Variants in WNT4 observed in about 807,000 individuals in gnomAD.
WNT4 encodes protein Wnt-4.
Under a neutral mutation model 34.5 loss-of-function variants are expected in WNT4, and 16 were observed. The ratio of observed to expected loss-of-function variants is 0.46; its 90% CI spans 0.31 to 0.70. The LOEUF is 0.70. Ranked by LOEUF, WNT4 falls within the 30% of genes least tolerant of loss-of-function variation. WNT4 has a pLI of 0.04. For missense variants in WNT4, 379 were observed against 495.9 expected, an observed-to-expected ratio of 0.76 and a Z score of 2.24; for synonymous variants, 200 against 211.9, an observed-to-expected ratio of 0.94 and a Z score of 0.49.
intron 1 of WNT4, among the ~76,000 whole-genome samples, chr1:22,133,094 T>C (rs938570471): frequency 6.6e-6 from 1 of 152,224 alleles, no homozygotes; most frequent in East Asian, 1.9e-4. Context: ...CGAGCTGCAG[T>C]GCAAACCCAG....
At chr1:22,129,559 TG>T in intron 2 of WNT4, 56 bp downstream of exon 2, 1 of 1,563,658 alleles carries the variant, frequency 6.4e-7, no homozygotes. Context: ...CATTTCCTGC[TG>T]GGCCCATGCC....
chr1:22,120,193 C>T lies in WNT4; in HGVS notation c.913G>A (p.Gly305Ser), dbSNP rs1429705858. ...CGGCCACAGCACAGCAGCTCACAGC[C>T]GTCGATGGCCTTGGACGTCTTGTTG... The part of the protein sequence containing the change: ...TCNKTSKAID[G>S]CELLCCGRGF... Residue 305 changes from glycine (G) to serine (S), a missense_variant, in exon 5 of 5, where the codon GGC becomes AGC. Physicochemically the swap from Gly to Ser is moderately conservative, Grantham distance 56. Transcript: ENST00000290167. 4 of 1,613,738 alleles carry T rather than the reference C, an allele frequency of 2.5e-6. No individual in the cohort carries two copies. Among genetic ancestry groups the T allele is most frequent in the African/African-American group, 1.3e-5 (1 of 74,954 alleles).
intron 2 of WNT4, among the ~76,000 whole-genome samples, chr1:22,123,328 A>C (rs895918069): frequency 6.6e-6 from 1 of 152,004 alleles, no homozygotes; most frequent in Admixed American, 6.5e-5. Context: ...CCTGGGGTGC[A>C]GGGCCACCAG....
Position 22,121,351 on chromosome 1 carries a change from A to T in WNT4, c.448T>A (p.Phe150Ile). The T allele has an allele frequency of 6.2e-7, 1 of 1,614,146 alleles. No homozygotes were observed. The highest frequency in any genetic ancestry group is 8.5e-7 in the Non-Finnish European group (1 of 1,180,030). ...TTGTCAGAGCATCCTGACCACTGGA[A>T]GCCTGGGGTGTGGTGGGCACAGAAA... ...RTVHGVSPQG[F>I]QWSGCSDNIA... Residue 150 changes from phenylalanine (F) to isoleucine (I), a missense_variant and splice_region_variant, in exon 4 of 5, where the codon TTC becomes ATC. Transcript: ENST00000290167.
chr1:22,121,529 C>T lies in WNT4; in HGVS notation c.361G>A (p.Ala121Thr). The change falls in exon 3 of 5, where the codon GCC becomes ACC. Residue 121 changes from alanine (A) to threonine (T), a missense_variant. Physicochemically the swap from Ala to Thr is moderately conservative, Grantham distance 58 (BLOSUM62 0). Around this residue, in one of 2 missense-constraint regions of WNT4, gnomAD observed 313 missense variants for 445.8 expected, o/e 0.70. Coordinates refer to ENST00000290167, the MANE Select transcript of WNT4 (RefSeq NM_030761.5). The part of the protein sequence containing the change: ...FVYAISSAGV[A>T]FAVTRACSSG... The stretch of plus-strand genomic sequence containing the variant: ...CTGCACGCCCGCGTCACTGCAAAGG[C>T]CACACCTGCCGAAGAGATGGCGTAC... 6.2e-7 allele frequency: 1 copy of T among 1,613,994 alleles called. No individual in the cohort carries two copies. Among genetic ancestry groups the T allele is most frequent in the Non-Finnish European group, 8.5e-7 (1 of 1,180,028 alleles).
chr1:22,128,005 C>T (rs914911290), intron 2 of WNT4, among the ~76,000 whole-genome samples: 1 of 152,346 alleles, frequency 6.6e-6, no homozygotes, highest in Admixed American at 6.5e-5. Context: ...GCTTCCCAGG[C>T]TCATGGGCTG....
In WNT4 at chr1:22,137,352, T is replaced by G. The variant is rs1317981775; in HGVS notation, c.77+5494A>C. Among the ~76,000 whole-genome samples, 1 of 152,174 alleles carries G rather than the reference T, an allele frequency of 6.6e-6. No homozygotes were observed. The highest frequency in any genetic ancestry group is 1.5e-5 in the Non-Finnish European group (1 of 68,020). ...AAACCTGGCAACTCCTGTGGAAATC[T>G]GGAGAGCAACCCTGGGGTCGCAGCT... On this transcript the variant is annotated intron_variant, in intron 1 of 4. Coordinates refer to ENST00000290167, the MANE Select transcript of WNT4 (RefSeq NM_030761.5). This position sits in a 1 kb window ranked among gnomAD's most constrained non-coding sequence, Gnocchi z 5.3.
chr1:22,122,474 A>C (rs1557923976), intron 2 of WNT4, among the ~76,000 whole-genome samples: 1 of 152,020 alleles, frequency 6.6e-6, no homozygotes, highest in Non-Finnish European at 1.5e-5. Context: ...TATCCTCCTA[A>C]GAACTGTGCC....
At chr1:22,122,760 C>T (rs1371061543) in intron 2 of WNT4, among the ~76,000 whole-genome samples, 2 of 152,214 alleles carry the variant, frequency 1.3e-5, no homozygotes, top group Non-Finnish European at 2.9e-5. Context: ...GAGCAGTCAC[C>T]GTGGTCAGAT....
intron 1 of WNT4, among the ~76,000 whole-genome samples, chr1:22,131,816 G>A (rs1180842777): frequency 6.6e-6 from 1 of 152,220 alleles, no homozygotes; most frequent in Non-Finnish European, 1.5e-5. Context: ...TCTCCCAGGG[G>A]CCTCCCCGCC....
chr1:22,143,008 G>GCCCC lies in WNT4; in HGVS notation c.-87_-86insGGGG. 1.5e-6 allele frequency: 1 copy of GCCCC among 674,308 alleles called. No homozygotes were observed. The highest frequency in any genetic ancestry group is 1.8e-6 in the Non-Finnish European group (1 of 549,602). 41.8% of individuals were successfully genotyped at this position (674,308 alleles called of 1,614,324 possible). The stretch of plus-strand genomic sequence containing the variant: ...GGGCTGCAGGTGGGCGCCCGCGGGC[G>GCCCC]GGCCGGGGCGCGCGCGGCGGGGCTC... On this transcript the variant is annotated 5_prime_UTR_variant, in exon 1 of 5. Coordinates refer to ENST00000290167, the MANE Select transcript of WNT4 (RefSeq NM_030761.5).
chr1:22,124,584 T>A (rs1366744995), intron 2 of WNT4, among the ~76,000 whole-genome samples: 2 of 152,242 alleles, frequency 1.3e-5, no homozygotes, highest in Non-Finnish European at 2.9e-5. Flanking sequence ...TCTACAGCTC[T>A]GCTCTGTGGA....
rs200771081 is a variant in WNT4 at position 22,121,202 on chromosome 1, C to A, written c.588+9G>T. On this transcript the variant is annotated intron_variant, in intron 4 of 4. Coordinates refer to ENST00000290167, the MANE Select transcript of WNT4 (RefSeq NM_030761.5). ...ACCCCGCTCTTGGTGGGGGGTAGTG[C>A]CACACTACCTTCCTGCCGGCCTCAT... 6.2e-7 allele frequency: 1 copy of A among 1,613,832 alleles called. No homozygotes were observed. Among genetic ancestry groups the A allele is most frequent in the East Asian group, 2.2e-5 (1 of 44,876 alleles).
At chr1:22,135,324 T>A (rs74059910) in intron 1 of WNT4, among the ~76,000 whole-genome samples, 4,086 of 152,272 alleles carry the variant, frequency 0.027, 183 homozygotes, top group African/African-American at 0.092. Flanking sequence ...GTTTCGCAGA[T>A]GAGGAAACTG....
intron 1 of WNT4, among the ~76,000 whole-genome samples, chr1:22,138,470 TG>T (rs1646039998): frequency 6.6e-6 from 1 of 152,134 alleles, no homozygotes; most frequent in Non-Finnish European, 1.5e-5. Flanking sequence ...GGGATGTTAC[TG>T]GCTATCTAGC....
In WNT4 at chr1:22,139,318, G is replaced by C. The variant is rs1160778384; in HGVS notation, c.77+3528C>G. 1.3e-5 allele frequency among the ~76,000 whole-genome samples: 2 copies of C among 152,190 alleles called. No individual in the cohort carries two copies. The highest frequency in any genetic ancestry group is 1.3e-4 in the Admixed American group (2 of 15,288). On this transcript the variant is annotated intron_variant, in intron 1 of 4. Coordinates refer to ENST00000290167, the MANE Select transcript of WNT4 (RefSeq NM_030761.5). This position sits in a 1 kb window ranked among gnomAD's most constrained non-coding sequence, Gnocchi z 4.6. ...CCAGTGCCAGCTTGCCACACGCATG[G>C]GCTCGCTCTTTCTTCCCAACCACCA...
At position 22,124,321 on chromosome 1, in the gene WNT4, C is replaced by T. The variant is rs72879301; in HGVS notation, c.314-2745G>A. Among the ~76,000 whole-genome samples the T allele has an allele frequency of 6.8e-3, 1,040 of 152,330 alleles. 9 individuals are homozygous for T. Among genetic ancestry groups the T allele is most frequent in the African/African-American group, 0.024 (989 of 41,562 alleles). ...TACGGTGCCTTCTTCCGTTTTCACA[C>T]AGCCATTTGCCCCTTCTCACACCCA... On this transcript the variant is annotated intron_variant, in intron 2 of 4. Transcript: ENST00000290167.
Sources: allele counts gnomAD v4.1 joint callset (sites outside exome capture counted in the v4.1 genomes callset), GRCh38; gene constraint gnomAD v4.1.1; regional missense constraint gnomAD v4.1.1; non-coding constraint Gnocchi (gnomAD v3.1); transcripts MANE v1.5; gene names NCBI Gene and HGNC (gene_info 2026-07-23, HGNC 2026-07-21).